The following DUSP13B variants were observed in gnomAD, a reference collection of about 807,000 sequenced individuals.
DUSP13B encodes dual specificity protein phosphatase 13B.
the DUSP13B span, chr10:75,105,793 T>A: frequency 6.4e-7 from 1 of 1,551,010 alleles, no homozygotes; most frequent in Non-Finnish European, 8.7e-7. Context: ...GGACAGCCGC[T>A]GGTGCAGCAT....
chr10:75,100,189 AG>A, the DUSP13B span, among the ~76,000 whole-genome samples: 3 of 152,122 alleles, frequency 2.0e-5, no homozygotes, highest in Non-Finnish European at 4.4e-5. Context: ...CACCCCCAGG[AG>A]GCTCCAGAGG....
At chr10:75,099,422 C>CA in the DUSP13B span, 2 of 1,232,498 alleles carry the variant, frequency 1.6e-6, no homozygotes, top group Admixed American at 4.2e-5. Flanking sequence ...AGTGGCCTGC[C>CA]ACCTACCTGG....
the DUSP13B span, among the ~76,000 whole-genome samples, chr10:75,107,060 G>T: frequency 2.0e-5 from 3 of 152,144 alleles, no homozygotes; most frequent in Non-Finnish European, 4.4e-5. Context: ...TGGGGGCCGG[G>T]TGCGGTGGCT....
chr10:75,109,031 G>C, the DUSP13B span: 32 of 1,610,208 alleles, frequency 2.0e-5, no homozygotes, highest in South Asian at 2.0e-4. Context: ...AAAAGGTTGG[G>C]CCAAACTTCG....
the DUSP13B span, chr10:75,097,929 G>A: frequency 6.6e-7 from 1 of 1,512,036 alleles, no homozygotes; most frequent in Non-Finnish European, 8.9e-7. Context: ...CAGGCTCCCA[G>A]AGGGTGGATC....
the DUSP13B span, among the ~76,000 whole-genome samples, chr10:75,108,496 C>T: frequency 1.3e-5 from 2 of 152,166 alleles, no homozygotes. Context: ...TTGCTTCAGC[C>T]CTGGAACCTG....
chr10:75,102,615 C>G, the DUSP13B span, among the ~76,000 whole-genome samples: 120 of 151,676 alleles, frequency 7.9e-4, no homozygotes, highest in African/African-American at 2.9e-3. Flanking sequence ...CAAGACCAGT[C>G]TAGGCAATAT....
the DUSP13B span, chr10:75,105,941 G>A: frequency 9.6e-5 from 136 of 1,422,666 alleles, no homozygotes; most frequent in African/African-American, 1.8e-3. Context: ...GGGGACCCAA[G>A]TTCCTTTCCT....
the DUSP13B span, chr10:75,108,871 C>T: frequency 8.6e-7 from 1 of 1,164,482 alleles, no homozygotes; most frequent in Non-Finnish European, 1.2e-6. Flanking sequence ...CCCCGGGGGT[C>T]CTGGAGAAGG....
chr10:75,098,404 G>GC, the DUSP13B span, among the ~76,000 whole-genome samples: 1 of 152,188 alleles, frequency 6.6e-6, no homozygotes, highest in Non-Finnish European at 1.5e-5. Flanking sequence ...CAGGTAAGAG[G>GC]CCAGGACTGT....
At chr10:75,097,595 T>A in the DUSP13B span, 2 of 928,928 alleles carry the variant, frequency 2.2e-6, no homozygotes, top group Non-Finnish European at 3.0e-6. Context: ...AAAGAGACGG[T>A]GGGAGGCAAG....
the DUSP13B span, among the ~76,000 whole-genome samples, chr10:75,104,394 GCA>G: frequency 3.3e-5 from 5 of 152,254 alleles, no homozygotes; most frequent in East Asian, 9.7e-4. Context: ...GCCTCCAGTT[GCA>G]CAGTTTGGTG....
chr10:75,107,957 C>T, the DUSP13B span: 1 of 1,580,512 alleles, frequency 6.3e-7, no homozygotes, highest in Non-Finnish European at 8.6e-7. Flanking sequence ...CATGAATGAG[C>T]AAGATGGGAT....
chr10:75,102,592 G>C, the DUSP13B span, among the ~76,000 whole-genome samples: 6 of 152,188 alleles, frequency 3.9e-5, no homozygotes, highest in East Asian at 9.6e-4. Flanking sequence ...AGGATTGCTT[G>C]AGCCCAGGGG....
the DUSP13B span, chr10:75,109,112 T>C: frequency 6.2e-7 from 1 of 1,611,742 alleles, no homozygotes; most frequent in African/African-American, 1.3e-5. Context: ...GGGCAAGGCG[T>C]GGCTTTGTCC....
the DUSP13B span, among the ~76,000 whole-genome samples, chr10:75,107,174 A>G: frequency 6.6e-6 from 1 of 152,250 alleles, no homozygotes. Context: ...TGTCTCTGCT[A>G]AAATACAAAA....
At chr10:75,099,279 A>G in the DUSP13B span, 1 of 1,232,284 alleles carries the variant, frequency 8.1e-7, no homozygotes, top group Non-Finnish European at 1.0e-6. Flanking sequence ...CAGTGCCAGG[A>G]CCAGAAAAAG....
At chr10:75,103,924 G>A in the DUSP13B span, 2 of 1,315,550 alleles carry the variant, frequency 1.5e-6, no homozygotes, top group South Asian at 1.2e-5. Flanking sequence ...GGCTGAGAGG[G>A]GGTGTAGGCG....
At chr10:75,094,730 G>C in the DUSP13B span, 2 of 1,614,164 alleles carry the variant, frequency 1.2e-6, no homozygotes, top group Non-Finnish European at 1.7e-6. Flanking sequence ...GGAGCTGCCG[G>C]AGGAAGCCTG....
Sources: gnomAD v4.1 joint callset for allele counts (sites outside exome capture counted in the v4.1 genomes callset) on GRCh38, gnomAD v4.1.1 for gene constraint, MANE v1.5 for transcripts, NCBI Gene and HGNC (gene_info 2026-07-23, HGNC 2026-07-21) for gene names.